Variants in DYNC2H1 observed in about 807,000 individuals in gnomAD.
DYNC2H1 encodes dynein cytoplasmic 2 heavy chain 1, also known as cytoplasmic dynein 2 heavy chain 1.
A neutral mutation model predicts 570.0 loss-of-function variants in DYNC2H1; 410 were observed. The ratio of observed to expected loss-of-function variants is 0.72; its 90% CI spans 0.66 to 0.78. DYNC2H1 has a LOEUF of 0.78. DYNC2H1 is among the 30% of genes least tolerant of loss of function. The pLI is 0.00. For missense variants in DYNC2H1, 4,865 were observed against 5,046.4 expected (o/e 0.96, Z 1.09); for synonymous variants, 1,688 against 1,677.6 (o/e 1.01, Z -0.15).
chr11:103,162,894 T>G, intron 29 of DYNC2H1, 134 bp from the exon 30 acceptor site: 1 of 618,730 alleles, frequency 1.6e-6, no homozygotes, highest in Non-Finnish European at 2.4e-6. Context: ...TAATGATCAA[T>G]AGGAAAGTAT....
intron 84 of DYNC2H1, chr11:103,404,912 C>CA (rs1421509185): frequency 6.6e-6 from 1 of 151,888 alleles, no homozygotes; most frequent in Non-Finnish European, 1.5e-5. Flanking sequence ...GTAGGGATAG[C>CA]AATAATTATA....
Position 103,258,508 on chromosome 11 carries a change from G to C in DYNC2H1, c.10605+757G>C, listed in dbSNP as rs139811871. Among the ~76,000 whole-genome samples, 517 of 152,318 alleles carry C rather than the reference G, an allele frequency of 3.4e-3. 3 individuals are homozygous for C. The highest frequency in any genetic ancestry group is 0.012 in the African/African-American group (479 of 41,572). ...TTGTTTCACAACGTCTAGGACCTCA[G>C]CTGAGAGGACTTGAGAGTTGAGGGG... On this transcript the variant is annotated intron_variant, in intron 69 of 88. Coordinates refer to ENST00000375735, the MANE Select transcript of DYNC2H1 (RefSeq NM_001377.3).
At chr11:103,210,461 C>G (rs1324538359) in intron 53 of DYNC2H1, among the ~76,000 whole-genome samples, 1 of 151,610 alleles carries the variant, frequency 6.6e-6, no homozygotes, top group African/African-American at 2.4e-5. Flanking sequence ...TTTATTTAAC[C>G]ATCTAATAAT....
intron 47 of DYNC2H1, among the ~76,000 whole-genome samples, chr11:103,194,017 T>C (rs554558160): frequency 7.5e-4 from 114 of 152,318 alleles, no homozygotes; most frequent in African/African-American, 2.7e-3. Flanking sequence ...GAAACAGATA[T>C]AAAAATCTTT....
rs1488657357 is a variant in DYNC2H1 at position 103,199,301 on chromosome 11, C to T, written c.7913C>T (p.Ser2638Phe). ...LLFHEVLEYMSRIDRVLSFPG... is the reference protein window; with the variant it reads ...LLFHEVLEYMFRIDRVLSFPG... Reference sequence around the variant, plus strand: ...TTCCACGAAGTCTTGGAGTATATGTCTAGGATAGATAGAGTGCTGAGTTTC... The same window carrying T: ...TTCCACGAAGTCTTGGAGTATATGTTTAGGATAGATAGAGTGCTGAGTTTC... The change falls in exon 49 of 89, where the codon TCT becomes TTT. Residue 2638 changes from serine (S) to phenylalanine (F), a missense_variant. Ser to Phe is a radical substitution (Grantham distance 155). This residue lies in a region of DYNC2H1 where 2,401 missense variants were observed against 2,454.6 expected (regional missense o/e 0.98). Transcript: ENST00000375735. The surrounding 1 kb of genome is among the most constrained non-coding windows in gnomAD (Gnocchi z 4.6). 1 of 1,611,334 alleles carries T rather than the reference C, an allele frequency of 6.2e-7. No homozygotes were observed. Among genetic ancestry groups the T allele is most frequent in the Non-Finnish European group, 8.5e-7 (1 of 1,179,630 alleles).
chr11:103,213,605 C>T (rs1351858126), intron 54 of DYNC2H1, among the ~76,000 whole-genome samples: 5 of 137,486 alleles, frequency 3.6e-5, no homozygotes, highest in East Asian at 2.1e-4. Context: ...TTTCATATAC[C>T]GTTGGCCATT....
chr11:103,204,787 G>C lies in DYNC2H1; in HGVS notation c.8312-35G>C. The C allele has an allele frequency of 6.5e-7, 1 of 1,537,042 alleles. No homozygotes were observed. The highest frequency in any genetic ancestry group is 8.8e-7 in the Non-Finnish European group (1 of 1,134,452). ...CTTTAACCCAGACCACGTATAGATTGCCTGATTGTATTATTATTCTTATAT... is the reference window on the plus strand; with the variant it reads ...CTTTAACCCAGACCACGTATAGATTCCCTGATTGTATTATTATTCTTATAT... On this transcript the variant is annotated intron_variant, in intron 51 of 88. Coordinates refer to ENST00000375735, the MANE Select transcript of DYNC2H1 (RefSeq NM_001377.3). The surrounding 1 kb of genome is among the most constrained non-coding windows in gnomAD (Gnocchi z 4.1).
chr11:103,342,137 G>A (rs1472767862), intron 82 of DYNC2H1, among the ~76,000 whole-genome samples: 2 of 152,098 alleles, frequency 1.3e-5, no homozygotes, highest in African/African-American at 4.8e-5. Context: ...GGGTTGAGTG[G>A]GGACTTGGAA....
At chr11:103,184,316 T>C (rs1286080504) in intron 40 of DYNC2H1, among the ~76,000 whole-genome samples, 1 of 151,950 alleles carries the variant, frequency 6.6e-6, no homozygotes, top group East Asian at 1.9e-4. Context: ...TCCTAATGCA[T>C]GATTGGTTCT....
chr11:103,449,703 A>T (rs1047749994), intron 85 of DYNC2H1, among the ~76,000 whole-genome samples: 1 of 152,172 alleles, frequency 6.6e-6, no homozygotes, highest in African/African-American at 2.4e-5. Context: ...TTGTTTAATT[A>T]AAAAATAATG....
At chr11:103,121,189 T>G (rs1267597665) in intron 9 of DYNC2H1, among the ~76,000 whole-genome samples, 153 bp downstream of exon 9, 2 of 152,218 alleles carry the variant, frequency 1.3e-5, no homozygotes, top group East Asian at 1.9e-4. Flanking sequence ...ATGACAGATT[T>G]TTTTGCATTA....
chr11:103,335,360 A>G (rs1939061743), intron 82 of DYNC2H1, among the ~76,000 whole-genome samples: 1 of 152,080 alleles, frequency 6.6e-6, no homozygotes. Context: ...GCCCTGGTTT[A>G]TATGGAATGT....
At chr11:103,118,657 A>G (rs1184383287) in intron 6 of DYNC2H1, among the ~76,000 whole-genome samples, 1 of 152,196 alleles carries the variant, frequency 6.6e-6, no homozygotes, top group Non-Finnish European at 1.5e-5. Context: ...GCATGTATTT[A>G]TCCTGATTTT....
chr11:103,225,895 T>C (rs559359545), intron 59 of DYNC2H1, among the ~76,000 whole-genome samples: 3 of 152,210 alleles, frequency 2.0e-5, no homozygotes, highest in Non-Finnish European at 4.4e-5. Context: ...ATGGGATATG[T>C]TTCCATTTGT....
chr11:103,149,811 G>A (rs991862588), intron 20 of DYNC2H1, among the ~76,000 whole-genome samples: 1 of 145,534 alleles, frequency 6.9e-6, no homozygotes, highest in African/African-American at 2.7e-5. Context: ...AGAGGATTGA[G>A]AGAGAGAGAG....
At chr11:103,196,255 C>A (rs1190760710) in intron 47 of DYNC2H1, among the ~76,000 whole-genome samples, 2 of 152,068 alleles carry the variant, frequency 1.3e-5, no homozygotes, top group African/African-American at 4.8e-5. Context: ...CTGCAATAGT[C>A]CAAGTGAGAA....
chr11:103,361,300 C>T (rs1255666619), intron 83 of DYNC2H1, among the ~76,000 whole-genome samples: 1 of 152,168 alleles, frequency 6.6e-6, no homozygotes, highest in Non-Finnish European at 1.5e-5. Context: ...CTTACCCCTT[C>T]CTCCACGTGA....
chr11:103,125,079 G>A (rs750307441), intron 11 of DYNC2H1, 21 bp from the exon 12 acceptor site: 1 of 1,570,988 alleles, frequency 6.4e-7, no homozygotes, highest in Non-Finnish European at 8.7e-7. Context: ...AACTTAACAG[G>A]TTATTTATTT....
chr11:103,332,086 C>T lies in DYNC2H1; in HGVS notation c.12039+8096C>T, dbSNP rs142508083. On this transcript the variant is annotated intron_variant, in intron 82 of 88. Coordinates refer to ENST00000375735, the MANE Select transcript of DYNC2H1 (RefSeq NM_001377.3). ...CCATCTCAAAAAAAAAAAAAAGTTC[C>T]GATGAAAAAGCATAATATGCAAGAT... 3.0e-3 allele frequency among the ~76,000 whole-genome samples: 455 copies of T among 151,276 alleles called. 3 individuals are homozygous for T. Among genetic ancestry groups the T allele is most frequent in the Middle Eastern group, 6.8e-3 (2 of 294 alleles).
Sources: gnomAD v4.1 joint callset for allele counts (sites outside exome capture counted in the v4.1 genomes callset) on GRCh38, gnomAD v4.1.1 for gene constraint, gnomAD v4.1.1 regional missense constraint, Gnocchi (gnomAD v3.1) non-coding constraint, MANE v1.5 for transcripts, NCBI Gene and HGNC (gene_info 2026-07-23, HGNC 2026-07-21) for gene names.